Variants in AVEN observed in about 807,000 individuals in gnomAD.
AVEN encodes the protein apoptosis and caspase activation inhibitor, also known as cell death regulator Aven.
A neutral mutation model predicts 38.1 loss-of-function variants in AVEN; 41 were observed. That is an observed-to-expected ratio of 1.08 (90% confidence interval 0.84 to 1.40). The LOEUF (loss-of-function observed/expected upper bound fraction) is 1.40, where lower values mean the gene tolerates loss of function less well. Ranked by LOEUF, AVEN falls within the 40% of genes most tolerant of loss-of-function variation. The probability of loss-of-function intolerance (pLI) is 0.00; values close to 1 mark genes in which losing one functional copy is unlikely to be tolerated. For missense variants in AVEN, 605 were observed against 438.8 expected (o/e 1.38, Z -3.38); for synonymous variants, 206 against 171.8 (o/e 1.20, Z -1.56).
At chr15:33,875,859 G>A (rs530806670) in intron 3 of AVEN, 66 bp downstream of exon 3, 78 of 1,408,874 alleles carry the variant, frequency 5.5e-5, no homozygotes, top group East Asian at 3.9e-4. Context: ...TCTCAAGAAC[G>A]TAAAAGGTGT....
chr15:34,025,629 A>T (rs2140735730), intron 1 of AVEN, among the ~76,000 whole-genome samples: 1 of 152,332 alleles, frequency 6.6e-6, no homozygotes, highest in East Asian at 1.9e-4. Flanking sequence ...AATGGTTATA[A>T]AAGATTTCCT....
intron 11 of AVEN, chr15:33,859,491 A>T: frequency 3.3e-6 from 5 of 1,508,286 alleles, no homozygotes; most frequent in Non-Finnish European, 4.6e-6. Context: ...CCACAATCTG[A>T]CCGAATCATA....
intron 5 of AVEN, among the ~76,000 whole-genome samples, chr15:34,048,926 T>C (rs1474092387): frequency 6.6e-6 from 1 of 152,042 alleles, no homozygotes; most frequent in Admixed American, 6.5e-5. Flanking sequence ...GTGACTAGGG[T>C]CTGGAGTGGA....
intron 2 of AVEN, among the ~76,000 whole-genome samples, chr15:33,958,216 T>C (rs778567439): frequency 2.0e-5 from 3 of 152,222 alleles, no homozygotes; most frequent in Non-Finnish European, 2.9e-5. Flanking sequence ...TAACCAAATC[T>C]GTCTTCTCCT....
At chr15:33,872,229 G>A (rs976397795) in intron 3 of AVEN, among the ~76,000 whole-genome samples, 1 of 152,214 alleles carries the variant, frequency 6.6e-6, no homozygotes, top group Non-Finnish European at 1.5e-5. Flanking sequence ...AGTGTGCACA[G>A]GACCCTGTCT....
At chr15:33,978,308 G>C (rs1895978126) in intron 2 of AVEN, among the ~76,000 whole-genome samples, 1 of 152,144 alleles carries the variant, frequency 6.6e-6, no homozygotes, top group African/African-American at 2.4e-5. Context: ...GAAGTCTCTT[G>C]AGTGAGAAAA....
intron 2 of AVEN, among the ~76,000 whole-genome samples, chr15:33,899,460 C>CTTTTTTTTTTGTTTTTTTTTTTTTTTTT (rs1892391741): frequency 1.5e-5 from 1 of 65,430 alleles, no homozygotes; most frequent in Non-Finnish European, 2.9e-5. Context: ...CAGGGAAAAC[C>CTTTTTTTTTTGTTTTTTTTTTTTTTTTT]TTTTTTTTTT....
intron 2 of AVEN, among the ~76,000 whole-genome samples, chr15:33,939,645 GT>G (rs1295921886): frequency 1.3e-5 from 2 of 152,154 alleles, no homozygotes; most frequent in African/African-American, 4.8e-5. Context: ...TATCCCTCGT[GT>G]TTAGCTTTCT....
At chr15:33,895,517 G>A (rs1240311714) in intron 2 of AVEN, among the ~76,000 whole-genome samples, 1 of 151,744 alleles carries the variant, frequency 6.6e-6, no homozygotes, top group Non-Finnish European at 1.5e-5. Context: ...GAAGAGATGA[G>A]GTCTCCCTAT....
At chr15:34,058,308 C>G (rs1483389105) in intron 5 of AVEN, among the ~76,000 whole-genome samples, 1 of 151,998 alleles carries the variant, frequency 6.6e-6, no homozygotes, top group Non-Finnish European at 1.5e-5. Flanking sequence ...TAAAATTAAC[C>G]ATCACACTAT....
intron 1 of AVEN, among the ~76,000 whole-genome samples, chr15:34,013,157 G>T (rs1224491620): frequency 6.6e-6 from 1 of 152,104 alleles, no homozygotes; most frequent in African/African-American, 2.4e-5. Flanking sequence ...TGCCTCCTGG[G>T]TTCAAGCGAT....
chr15:33,914,163 C>A lies in AVEN; in HGVS notation c.446-38168G>T, dbSNP rs920698311. ...GTTAATGTATAAATTTAATATAACC[C>A]CCCCCCAATAGCTATGAGCTCTTTT... On this transcript the variant is annotated intron_variant, in intron 2 of 5. Coordinates refer to ENST00000306730, the MANE Select transcript of AVEN (RefSeq NM_020371.3). Among the ~76,000 whole-genome samples, 710 of 151,556 alleles carry A rather than the reference C, an allele frequency of 4.7e-3. 7 individuals are homozygous for A. Among genetic ancestry groups the A allele is most frequent in the African/African-American group, 0.017 (688 of 41,128 alleles).
At chr15:34,073,375 C>CTTTTAA (rs1237765978) in intron 1 of AVEN, among the ~76,000 whole-genome samples, 1 of 151,466 alleles carries the variant, frequency 6.6e-6, no homozygotes, top group African/African-American at 2.4e-5. Context: ...CTTTTTTAAA[C>CTTTTAA]ACACAGAGCT....
intron 2 of AVEN, among the ~76,000 whole-genome samples, chr15:33,934,102 T>C (rs1037447170): frequency 4.6e-5 from 7 of 151,798 alleles, no homozygotes; most frequent in African/African-American, 1.7e-4. Flanking sequence ...GGACCAGGTG[T>C]GGTGGCTCAT....
At chr15:34,053,319 A>T (rs2576305) in intron 5 of AVEN, among the ~76,000 whole-genome samples, 3,590 of 40,944 alleles carry the variant, frequency 0.088, 174 homozygotes, top group African/African-American at 0.092. Context: ...AAAAAAAAAA[A>T]ATATATATAT....
At chr15:34,015,301 G>C (rs1897841643) in intron 1 of AVEN, among the ~76,000 whole-genome samples, 1 of 152,078 alleles carries the variant, frequency 6.6e-6, no homozygotes, top group African/African-American at 2.4e-5. Context: ...GGCTAACACA[G>C]TGAAACCCCA....
chr15:33,926,494 G>A (rs754766616), intron 2 of AVEN, among the ~76,000 whole-genome samples: 8 of 152,078 alleles, frequency 5.3e-5, no homozygotes, highest in South Asian at 2.1e-4. Context: ...TAGAATCTCC[G>A]TGCCTCAGAT....
At position 33,877,759 on chromosome 15, in the gene AVEN, G is replaced by C. The variant is rs541930902; in HGVS notation, c.446-1764C>G. Reference sequence around the variant, plus strand: ...AGGTCAGGAGTTCGAGAACAGCCTGGCCAACATGGTAAAACCCCGTCTCTA... The same window carrying C: ...AGGTCAGGAGTTCGAGAACAGCCTGCCCAACATGGTAAAACCCCGTCTCTA... On this transcript the variant is annotated intron_variant, in intron 2 of 5. Transcript: ENST00000306730. Among the ~76,000 whole-genome samples the C allele has an allele frequency of 1.2e-3, 178 of 152,190 alleles. 1 individual carries two copies. The highest frequency in any genetic ancestry group is 4.2e-3 in the African/African-American group (173 of 41,536).
chr15:33,948,940 T>G (rs1404630201), intron 2 of AVEN, among the ~76,000 whole-genome samples: 1 of 152,186 alleles, frequency 6.6e-6, no homozygotes, highest in African/African-American at 2.4e-5. Context: ...CCCAAAGTGC[T>G]GGGATTACAG....
Sources: gnomAD v4.1 joint callset for allele counts (sites outside exome capture counted in the v4.1 genomes callset) on GRCh38, gnomAD v4.1.1 for gene constraint, MANE v1.5 for transcripts, NCBI Gene and HGNC (gene_info 2026-07-23, HGNC 2026-07-21) for gene names.